Variants in BLOC1S5 observed in about 807,000 individuals in gnomAD.
BLOC1S5 encodes biogenesis of lysosomal organelles complex 1 subunit 5.
BLOC1S5 carries 27 observed loss-of-function variants against 24.3 expected under a neutral mutation model. That is an observed-to-expected ratio of 1.11 (90% CI 0.82 to 1.53). The LOEUF is 1.53. Ranked by LOEUF, BLOC1S5 falls within the 40% of genes most tolerant of loss-of-function variation. The pLI, the probability that BLOC1S5 is intolerant of heterozygous loss-of-function variation, is 0.00. For missense variants in BLOC1S5, 239 were observed against 229.4 expected (o/e 1.04, Z -0.27); for synonymous variants, 84 against 74.5 (o/e 1.13, Z -0.66).
intron 2 of BLOC1S5, among the ~76,000 whole-genome samples, chr6:8,047,302 G>T (rs1262412826): frequency 2.0e-5 from 3 of 151,382 alleles, no homozygotes; most frequent in African/African-American, 7.3e-5. Flanking sequence ...CTGCCTCCCT[G>T]GCTCAAGCAA....
At chr6:8,045,672 G>A (rs1378917105) in intron 2 of BLOC1S5, among the ~76,000 whole-genome samples, 1 of 152,232 alleles carries the variant, frequency 6.6e-6, no homozygotes, top group African/African-American at 2.4e-5. Context: ...CTGAATGTGA[G>A]ACCTGGAGTC....
intron 2 of BLOC1S5, among the ~76,000 whole-genome samples, chr6:8,041,500 G>C (rs907507403): frequency 4.6e-5 from 7 of 151,534 alleles, no homozygotes; most frequent in African/African-American, 1.7e-4. Flanking sequence ...TTTTAGTAGA[G>C]ATGGGGTTTC....
intron 2 of BLOC1S5, among the ~76,000 whole-genome samples, chr6:8,051,564 T>A (rs549749287): frequency 6.6e-6 from 1 of 152,366 alleles, no homozygotes; most frequent in Admixed American, 6.5e-5. Flanking sequence ...TATATGAAAC[T>A]GCCTGCTATT....
chr6:8,034,009 G>T (rs1453477270), intron 3 of BLOC1S5, among the ~76,000 whole-genome samples: 2 of 152,196 alleles, frequency 1.3e-5, no homozygotes, highest in Non-Finnish European at 2.9e-5. Context: ...GGAGAAACAG[G>T]ATCGCTTTTA....
At chr6:8,040,674 G>A (rs1763646855) in intron 3 of BLOC1S5, among the ~76,000 whole-genome samples, 1 of 152,016 alleles carries the variant, frequency 6.6e-6, no homozygotes, top group Admixed American at 6.6e-5. Context: ...TGGCCAACAT[G>A]GTGAAACCCC....
Position 8,014,736 on chromosome 6 carries a change from T to C in BLOC1S5, c.*913A>G, listed in dbSNP as rs1375365345. ...TGTGTGGGCAAACACTTCTGGTTCA[T>C]TCAAAGCCAGGAACTTTATATGGTT... On this transcript the variant is annotated 3_prime_UTR_variant, in exon 5 of 5. Transcript: ENST00000397457. 6.6e-6 allele frequency: 1 copy of C among 152,224 alleles called. No homozygotes were observed. Among genetic ancestry groups the C allele is most frequent in the Non-Finnish European group, 1.5e-5 (1 of 68,040 alleles). The allele number at this position is 152,224 out of a possible 1,614,324, so 9.4% of individuals were successfully genotyped here.
intron 3 of BLOC1S5, among the ~76,000 whole-genome samples, chr6:8,036,259 T>C (rs765166171): frequency 6.6e-6 from 1 of 151,484 alleles, no homozygotes; most frequent in Non-Finnish European, 1.5e-5. Flanking sequence ...AAAGCCTGTA[T>C]CAGAAAAATA....
chr6:8,045,790 C>G (rs113138440), intron 2 of BLOC1S5, among the ~76,000 whole-genome samples: 6,667 of 152,270 alleles, frequency 0.044, 498 homozygotes, highest in African/African-American at 0.15. Flanking sequence ...TTTGGAACGG[C>G]TGTATTTACC....
In BLOC1S5 at chr6:8,015,552, T is replaced by A. The variant is rs1762701833; in HGVS notation, c.*97A>T. 1.6e-6 allele frequency: 2 copies of A among 1,240,966 alleles called. No individual in the cohort carries two copies. 76.9% of individuals were successfully genotyped at this position (1,240,966 alleles called of 1,614,324 possible). On this transcript the variant is annotated 3_prime_UTR_variant, in exon 5 of 5. Coordinates refer to ENST00000397457, the MANE Select transcript of BLOC1S5 (RefSeq NM_201280.3). ...ATAAGAGTGCCACTGAATATATTGC[T>A]AAGCTTGAAGCAGAGGCTAAACGGT...
chr6:8,049,383 G>C (rs1242230288), intron 2 of BLOC1S5, among the ~76,000 whole-genome samples: 1 of 137,976 alleles, frequency 7.2e-6, no homozygotes, highest in Non-Finnish European at 1.6e-5. Flanking sequence ...AAAAAAAAAA[G>C]AAAGGAAAGA....
At chr6:8,045,255 A>G (rs116006751) in intron 2 of BLOC1S5, among the ~76,000 whole-genome samples, 4,839 of 152,300 alleles carry the variant, frequency 0.032, 240 homozygotes, top group African/African-American at 0.1. Flanking sequence ...GCTTCCAAGT[A>G]ATGTTGAGCC....
At chr6:8,019,036 T>TA (rs1470379581) in intron 4 of BLOC1S5, among the ~76,000 whole-genome samples, 2 of 152,254 alleles carry the variant, frequency 1.3e-5, no homozygotes, top group Non-Finnish European at 2.9e-5. Flanking sequence ...TCAGTATTTC[T>TA]ATTGTGTAGT....
At chr6:8,053,032 G>A (rs368924936) in intron 2 of BLOC1S5, among the ~76,000 whole-genome samples, 1 of 152,164 alleles carries the variant, frequency 6.6e-6, no homozygotes, top group African/African-American at 2.4e-5. Flanking sequence ...TACTCCTGGT[G>A]AAATTAGGCC....
chr6:8,064,338 C>T lies in BLOC1S5; in HGVS notation c.39G>A (p.Glu13=), dbSNP rs754645118. ...GGGTETPVGC[E]AAPGGGSKKR... is the part of the protein sequence containing the mutation. ...TCTTGCTGCCACCGCCCGGGGCGGCCTCACAACCCACAGGGGTCTCTGTCC... is the reference window on the plus strand; with the variant it reads ...TCTTGCTGCCACCGCCCGGGGCGGCTTCACAACCCACAGGGGTCTCTGTCC... The change falls in exon 1 of 5, where the codon GAG becomes GAA. Residue 13 remains glutamate (E), a synonymous_variant. Coordinates refer to ENST00000397457, the MANE Select transcript of BLOC1S5 (RefSeq NM_201280.3). 6.2e-6 allele frequency: 10 copies of T among 1,612,946 alleles called. No individual in the cohort carries two copies. The highest frequency in any genetic ancestry group is 1.6e-4 in the Middle Eastern group (1 of 6,062).
intron 3 of BLOC1S5, among the ~76,000 whole-genome samples, chr6:8,030,865 C>CAAA (rs55692261): frequency 3.4e-5 from 4 of 118,546 alleles, no homozygotes; most frequent in African/African-American, 1.3e-4. Context: ...GACCAACAGT[C>CAAA]AAAAAAAAAA....
At chr6:8,023,848 A>G (rs1361551329) in intron 4 of BLOC1S5, among the ~76,000 whole-genome samples, 1 of 148,212 alleles carries the variant, frequency 6.7e-6, no homozygotes, top group East Asian at 1.9e-4. Context: ...ACATGTGTAT[A>G]TGTGCACATG....
Position 8,060,332 on chromosome 6 carries a change from G to C in BLOC1S5, c.195+2202C>G, listed in dbSNP as rs1476739190. 5.9e-5 allele frequency among the ~76,000 whole-genome samples: 9 copies of C among 152,202 alleles called. 1 individual carries two copies. Among genetic ancestry groups the C allele is most frequent in the Admixed American group, 5.9e-4 (9 of 15,280 alleles). On this transcript the variant is annotated intron_variant, in intron 2 of 4. Transcript: ENST00000397457. Reference sequence around the variant, plus strand: ...TGAAACACAAGGAGGGAAGAGTTGTGTACAATAAAGTCTGAAAGACAAGTA... The same window carrying C: ...TGAAACACAAGGAGGGAAGAGTTGTCTACAATAAAGTCTGAAAGACAAGTA...
chr6:8,029,628 C>T (rs1310573919), intron 3 of BLOC1S5, among the ~76,000 whole-genome samples: 1 of 152,206 alleles, frequency 6.6e-6, no homozygotes, highest in African/African-American at 2.4e-5. Context: ...ATCAAAGTGG[C>T]TACTCAGCAC....
In BLOC1S5 at chr6:8,062,664, A is replaced by G. The variant is rs758041477; in HGVS notation, c.113-48T>C. ...AGGGTTAATCCATGCTAAATGGCAT[A>G]ATCTCTAGCTTGTTTTACTCTCTCC... On this transcript the variant is annotated intron_variant, in intron 1 of 4. Coordinates refer to ENST00000397457, the MANE Select transcript of BLOC1S5 (RefSeq NM_201280.3). 3.1e-6 allele frequency: 4 copies of G among 1,281,256 alleles called. No individual in the cohort carries two copies. In the African/African-American group the frequency reaches 6.0e-5, roughly 19 times the overall value. The allele number at this position is 1,281,256 out of a possible 1,614,324, so 79.4% of individuals were successfully genotyped here. A position where few individuals can be genotyped will look rare whatever the true frequency, so the allele number is the denominator to read the frequency against.
Sources: allele counts gnomAD v4.1 joint callset (sites outside exome capture counted in the v4.1 genomes callset), GRCh38; gene constraint gnomAD v4.1.1; transcripts MANE v1.5; gene names NCBI Gene and HGNC (gene_info 2026-07-23, HGNC 2026-07-21).